The following R3HDM1 variants were observed in gnomAD, a reference collection of about 807,000 sequenced individuals.
R3HDM1 encodes the protein R3H domain containing 1.
Under a neutral mutation model 141.1 loss-of-function variants are expected in R3HDM1, and 46 were observed. The ratio of observed to expected loss-of-function variants is 0.33; its 90% CI spans 0.26 to 0.42. The LOEUF (loss-of-function observed/expected upper bound fraction) is 0.42, where lower values mean the gene tolerates loss of function less well. R3HDM1 is among the 10% of genes least tolerant of loss of function. The pLI, the probability that R3HDM1 is intolerant of heterozygous loss-of-function variation, is 1.00. For missense variants in R3HDM1, 1,184 were observed against 1,368.3 expected (o/e 0.87, Z 2.12); for synonymous variants, 435 against 472.9 (o/e 0.92, Z 1.04).
At chr2:135,641,160 C>T (rs546706126) in intron 14 of R3HDM1, among the ~76,000 whole-genome samples, 1 of 152,248 alleles carries the variant, frequency 6.6e-6, no homozygotes, top group Admixed American at 6.5e-5. Flanking sequence ...TTTTGCTGTA[C>T]TAAATTCTTT....
At chr2:135,670,814 T>G (rs2068225774) in intron 19 of R3HDM1, among the ~76,000 whole-genome samples, 2 of 152,060 alleles carry the variant, frequency 1.3e-5, no homozygotes, top group Admixed American at 1.3e-4. Flanking sequence ...TCTCAGCACT[T>G]TGGGAGGCCA....
chr2:135,642,614 GAA>G (rs1410864572), intron 15 of R3HDM1, among the ~76,000 whole-genome samples: 2 of 152,182 alleles, frequency 1.3e-5, no homozygotes, highest in Admixed American at 6.5e-5. Flanking sequence ...GCAAGGTAAT[GAA>G]AACTCTCCTT....
chr2:135,661,959 A>G (rs559328404), intron 19 of R3HDM1, among the ~76,000 whole-genome samples: 4 of 152,364 alleles, frequency 2.6e-5, no homozygotes, highest in African/African-American at 7.2e-5. Context: ...GAAATTTATT[A>G]AAACTCAGCA....
chr2:135,594,314 T>C (rs1371221362), intron 1 of R3HDM1, among the ~76,000 whole-genome samples: 4 of 152,206 alleles, frequency 2.6e-5, no homozygotes, highest in Non-Finnish European at 4.4e-5. Flanking sequence ...TAAGCTACTA[T>C]ACCATACAGT....
At chr2:135,567,225 A>G (rs949726336) in intron 1 of R3HDM1, among the ~76,000 whole-genome samples, 2 of 152,086 alleles carry the variant, frequency 1.3e-5, no homozygotes, top group Admixed American at 6.5e-5. Flanking sequence ...TCTCCTAACA[A>G]TCCTGCTTCT....
chr2:135,692,809 G>A (rs577181018), intron 21 of R3HDM1, among the ~76,000 whole-genome samples: 1 of 152,100 alleles, frequency 6.6e-6, no homozygotes, highest in Non-Finnish European at 1.5e-5. Flanking sequence ...TGTGGTAGTG[G>A]CAGTAGGAGG....
Position 135,544,887 on chromosome 2 carries a change from C to A in R3HDM1, c.-250+13254C>A, listed in dbSNP as rs1269397967. Among the ~76,000 whole-genome samples the A allele has an allele frequency of 3.3e-5, 5 of 152,274 alleles. No homozygotes were observed. In the East Asian group the frequency reaches 7.7e-4, roughly 24 times the overall value. On this transcript the variant is annotated intron_variant, in intron 1 of 26. Coordinates refer to ENST00000683871, the MANE Select transcript of R3HDM1 (RefSeq NM_001378107.1). Reference sequence around the variant, plus strand: ...GGCTGAGGCGTGAGATTCGTTTCAACCCCAGAGGCAGAGATTGCAGTGAGC... The same window carrying A: ...GGCTGAGGCGTGAGATTCGTTTCAAACCCAGAGGCAGAGATTGCAGTGAGC...
intron 1 of R3HDM1, among the ~76,000 whole-genome samples, chr2:135,554,479 A>G (rs949397445): frequency 6.6e-6 from 1 of 152,168 alleles, no homozygotes; most frequent in Non-Finnish European, 1.5e-5. Flanking sequence ...ATTCTTGGAC[A>G]AGTTTTTATG....
chr2:135,682,728 G>C (rs1337448845), intron 21 of R3HDM1, among the ~76,000 whole-genome samples: 1 of 152,238 alleles, frequency 6.6e-6, no homozygotes, highest in Non-Finnish European at 1.5e-5. Flanking sequence ...TGGGCATGGT[G>C]GCTCACGCCT....
At chr2:135,575,148 G>A (rs1285675564) in intron 1 of R3HDM1, among the ~76,000 whole-genome samples, 2 of 152,318 alleles carry the variant, frequency 1.3e-5, no homozygotes, top group East Asian at 3.9e-4. Context: ...TTTGGATTAA[G>A]GGTGCAATGA....
At chr2:135,689,426 C>T (rs1192386028) in intron 21 of R3HDM1, among the ~76,000 whole-genome samples, 3 of 152,146 alleles carry the variant, frequency 2.0e-5, no homozygotes, top group Non-Finnish European at 4.4e-5. Context: ...TCCATACAGT[C>T]TTACTATGTT....
intron 1 of R3HDM1, among the ~76,000 whole-genome samples, chr2:135,554,515 G>A (rs977349415): frequency 1.1e-4 from 17 of 152,100 alleles, no homozygotes; most frequent in Non-Finnish European, 2.1e-4. Flanking sequence ...ATATCTCTTG[G>A]TTATATGTCT....
intron 19 of R3HDM1, chr2:135,665,251 T>C (rs1475366694): frequency 9.3e-6 from 3 of 323,694 alleles, no homozygotes; most frequent in Non-Finnish European, 1.9e-5. Context: ...ATAAAGAAAC[T>C]TTCTGCAGGT....
At chr2:135,715,782 T>C in intron 24 of R3HDM1, 88 bp downstream of exon 24, 1 of 1,471,290 alleles carries the variant, frequency 6.8e-7, no homozygotes, top group Non-Finnish European at 9.2e-7. Flanking sequence ...TAATATTGCC[T>C]TTCTATTTTC....
chr2:135,565,986 T>C (rs1483520983), intron 1 of R3HDM1: 6 of 152,224 alleles, frequency 3.9e-5, no homozygotes, highest in Admixed American at 6.5e-5. Context: ...AACCTATGGC[T>C]ACTTGAGATA....
chr2:135,718,576 C>T (rs988559410), intron 24 of R3HDM1, among the ~76,000 whole-genome samples: 6 of 152,084 alleles, frequency 3.9e-5, no homozygotes, highest in Admixed American at 2.6e-4. Flanking sequence ...TTAACCTCCC[C>T]GGGCTCAGAT....
intron 1 of R3HDM1, chr2:135,561,469 C>A: frequency 3.7e-6 from 2 of 545,628 alleles, no homozygotes; most frequent in Non-Finnish European, 2.3e-6. Flanking sequence ...GAAATCCCAG[C>A]GCTTTGGTAG....
chr2:135,693,915 G>A (rs530210150), intron 21 of R3HDM1, among the ~76,000 whole-genome samples: 2 of 152,188 alleles, frequency 1.3e-5, no homozygotes, highest in East Asian at 3.9e-4. Context: ...TGAGACAGGA[G>A]AATAGCTTGA....
intron 5 of R3HDM1, 140 bp downstream of exon 5, chr2:135,616,897 T>G (rs1200371001): frequency 1.4e-6 from 1 of 698,214 alleles, no homozygotes; most frequent in African/African-American, 1.8e-5. Flanking sequence ...CCAAGAGATA[T>G]ATGAAAAGTT....
Sources: allele counts gnomAD v4.1 joint callset (sites outside exome capture counted in the v4.1 genomes callset), GRCh38; gene constraint gnomAD v4.1.1; transcripts MANE v1.5; gene names NCBI Gene and HGNC (gene_info 2026-07-23, HGNC 2026-07-21).